NKTR: variants seen among roughly 807,000 people sequenced by gnomAD.
The protein encoded by NKTR is NK-tumor recognition protein.
In NKTR, 67 loss-of-function variants were observed where a neutral mutation model predicts 156.3. That is an observed-to-expected ratio of 0.43 (90% CI 0.35 to 0.53). The LOEUF (loss-of-function observed/expected upper bound fraction) is 0.53. Ranked by LOEUF, NKTR falls within the 20% of genes least tolerant of loss-of-function variation. The probability of loss-of-function intolerance (pLI) is 0.01; values close to 1 mark genes in which losing one functional copy is unlikely to be tolerated. For synonymous variants in NKTR, 640 were observed against 596.6 expected (o/e 1.07, Z -1.06); for missense variants, 1,604 against 1,730.9 (o/e 0.93, Z 1.30).
chr3:42,639,574 A>AC lies in NKTR; in HGVS notation c.3872dup (p.Arg1292LysfsTer8). ...GAAAGACAGCACGCTTAAACCGTAG[A>AC]CCAAGAAATCAGGAGAGTTCAAGTG... On this transcript the variant is annotated frameshift_variant, in exon 13 of 17. Transcript: ENST00000232978. LOFTEE classifies it high-confidence loss of function. 6.2e-7 allele frequency: 1 copy of AC among 1,614,238 alleles called. No individual in the cohort carries two copies. Among genetic ancestry groups the AC allele is most frequent in the Non-Finnish European group, 8.5e-7 (1 of 1,180,024 alleles).
At position 42,620,403 on chromosome 3, in the gene NKTR, G is replaced by T. The variant is rs915296460; in HGVS notation, c.286+695G>T. On this transcript the variant is annotated intron_variant, in intron 5 of 16. Coordinates refer to ENST00000232978, the MANE Select transcript of NKTR (RefSeq NM_005385.4). Reference sequence around the variant, plus strand: ...TAGCATCTGCATAAATCTAACTATTGCACTTGCCCCAAAAAGCCTTAGAAA... The same window carrying T: ...TAGCATCTGCATAAATCTAACTATTTCACTTGCCCCAAAAAGCCTTAGAAA... The T allele has an allele frequency of 3.9e-6, 4 of 1,016,360 alleles. No individual in the cohort carries two copies. In the African/African-American group the frequency reaches 6.8e-5, roughly 17 times the overall value. The allele number at this position is 1,016,360 out of a possible 1,614,324, so 63.0% of individuals were successfully genotyped here. A position where few individuals can be genotyped will look rare whatever the true frequency, so the allele number is the denominator to read the frequency against.
chr3:42,632,633 T>C lies in NKTR; in HGVS notation c.583T>C (p.Ser195Pro). The change falls in exon 9 of 17, where the codon TCA (serine) becomes CCA (proline). Residue 195 changes from serine (S) to proline (P), a missense_variant. Ser to Pro is a moderately conservative substitution (Grantham distance 74, BLOSUM62 -1). This residue lies in a region of NKTR where 1,255 missense variants were observed against 1,243.7 expected (regional missense o/e 1.01). Coordinates refer to ENST00000232978, the MANE Select transcript of NKTR (RefSeq NM_005385.4). ...FEKKRKKPTHSEGSDSSSNSS... is the reference protein window; with the variant it reads ...FEKKRKKPTHPEGSDSSSNSS... ...GAAAAAAAGGAAGAAACCAACTCAT[T>C]CAGAAGGCTCGGATTCCTCTTCCAA... 6.2e-7 allele frequency: 1 copy of C among 1,612,942 alleles called. No homozygotes were observed. Among genetic ancestry groups the C allele is most frequent in the Non-Finnish European group, 8.5e-7 (1 of 1,179,686 alleles).
chr3:42,645,847 A>T, intron 16 of NKTR, 41 bp from the exon 17 acceptor site: 1 of 1,393,024 alleles, frequency 7.2e-7, no homozygotes, highest in Non-Finnish European at 1.0e-6. Context: ...CAAAGATTTT[A>T]CAGTTACAAG....
rs114877177 is a variant in NKTR, at chr3:42,630,730, T to A, written c.404+155T>A. On this transcript the variant is annotated intron_variant, in intron 7 of 16. Transcript: ENST00000232978. The stretch of plus-strand genomic sequence containing the variant: ...CTTAGGATCACAGAATATACTTGTT[T>A]TGAGACCCCATGGCTCTCATGTGAC... 2,088 of 1,441,782 alleles carry A rather than the reference T, an allele frequency of 1.4e-3. 31 individuals are homozygous for A. In the African/African-American group the frequency reaches 0.027, roughly 19 times the overall value. The allele number at this position is 1,441,782 out of a possible 1,614,324, so 89.3% of individuals were successfully genotyped here. A position where few individuals can be genotyped will look rare whatever the true frequency, so the allele number is the denominator to read the frequency against.
Position 42,615,946 on chromosome 3 carries a change from G to A in NKTR, c.59-1624G>A, listed in dbSNP as rs61494535. On this transcript the variant is annotated intron_variant, in intron 2 of 16. Coordinates refer to ENST00000232978, the MANE Select transcript of NKTR (RefSeq NM_005385.4). ...GAGTCCTCCTTTTTGCTTGCTTTCC[G>A]TCTTTTTCTTCATTCCCTTAGGTTT... Among the ~76,000 whole-genome samples, 23 of 151,870 alleles carry A rather than the reference G, an allele frequency of 1.5e-4. No homozygotes were observed. In the East Asian group the frequency reaches 3.5e-3, roughly 23 times the overall value.
chr3:42,641,876 A>G (rs1709919429), intron 13 of NKTR, among the ~76,000 whole-genome samples: 1 of 148,420 alleles, frequency 6.7e-6, no homozygotes, highest in Non-Finnish European at 1.5e-5. Context: ...AGACTCCTCA[A>G]AAAAAAAAAA....
At chr3:42,605,912 A>T (rs1034100137) in intron 2 of NKTR, among the ~76,000 whole-genome samples, 2 of 152,252 alleles carry the variant, frequency 1.3e-5, no homozygotes, top group Non-Finnish European at 1.5e-5. Context: ...GTATTAGAGT[A>T]ACATGAACTT....
chr3:42,632,593 C>T lies in NKTR; in HGVS notation c.551-8C>T. On this transcript the variant is annotated splice_region_variant and splice_polypyrimidine_tract_variant and intron_variant, in intron 8 of 16. Coordinates refer to ENST00000232978, the MANE Select transcript of NKTR (RefSeq NM_005385.4). ...AGTACTAATGTTTTTATTAATGTTTCTTAAAAGTTTTTGAGAAAAAAAGGA... is the reference window on the plus strand; with the variant it reads ...AGTACTAATGTTTTTATTAATGTTTTTTAAAAGTTTTTGAGAAAAAAAGGA... 1.3e-6 allele frequency: 2 copies of T among 1,577,944 alleles called. No homozygotes were observed. The highest frequency in any genetic ancestry group is 2.3e-5 in the South Asian group (2 of 86,230).
At chr3:42,626,163 A>G (rs1013419078) in intron 6 of NKTR, among the ~76,000 whole-genome samples, 25 of 136,116 alleles carry the variant, frequency 1.8e-4, no homozygotes, top group Middle Eastern at 3.3e-3. Context: ...ACCTACAGTC[A>G]CTTATTTTTT....
chr3:42,611,895 AATT>A (rs1437696178), intron 2 of NKTR, among the ~76,000 whole-genome samples: 1 of 152,058 alleles, frequency 6.6e-6, no homozygotes, highest in Non-Finnish European at 1.5e-5. Flanking sequence ...CTCCAACTGA[AATT>A]ATTTTTACCC....
intron 2 of NKTR, among the ~76,000 whole-genome samples, chr3:42,603,313 T>G (rs1705773782): frequency 6.7e-6 from 1 of 148,356 alleles, no homozygotes; most frequent in African/African-American, 2.5e-5. Flanking sequence ...TGAGCTATGA[T>G]TGCACCACTG....
intron 2 of NKTR, among the ~76,000 whole-genome samples, chr3:42,609,861 T>C (rs191638775): frequency 6.6e-6 from 1 of 152,258 alleles, no homozygotes; most frequent in South Asian, 2.1e-4. Context: ...AATATAAATA[T>C]CAACAACTTC....
intron 16 of NKTR, 97 bp from the exon 17 acceptor site, chr3:42,645,791 G>A (rs916762548): frequency 1.0e-5 from 7 of 685,530 alleles, no homozygotes; most frequent in Admixed American, 3.0e-5. Context: ...AAACACTATT[G>A]ATGTTTTCAA....
intron 13 of NKTR, among the ~76,000 whole-genome samples, chr3:42,640,072 G>A (rs187710465): frequency 1.3e-5 from 2 of 152,258 alleles, no homozygotes; most frequent in East Asian, 1.9e-4. Flanking sequence ...GCCTTAGAAG[G>A]GAATCCTGAA....
At chr3:42,613,761 A>G (rs1280256207) in intron 2 of NKTR, among the ~76,000 whole-genome samples, 1 of 152,172 alleles carries the variant, frequency 6.6e-6, no homozygotes, top group African/African-American at 2.4e-5. Flanking sequence ...AAAGCTTAAC[A>G]TGTGTTGATA....
At chr3:42,623,259 T>C (rs1222793089) in intron 6 of NKTR, among the ~76,000 whole-genome samples, 1 of 152,098 alleles carries the variant, frequency 6.6e-6, no homozygotes, top group Admixed American at 6.6e-5. Context: ...ACAATTATAA[T>C]TTTTATACTT....
At position 42,630,562 on chromosome 3, in the gene NKTR, C is replaced by T. The variant is rs759930059; in HGVS notation, c.391C>T (p.Pro131Ser). The change falls in exon 7 of 17, where the codon CCA becomes TCA. Residue 131 changes from proline to serine, a missense_variant. Pro to Ser is a moderately conservative substitution (Grantham distance 74, BLOSUM62 -1). Around this residue, in one of 6 missense-constraint regions of NKTR, gnomAD observed 61 missense variants for 113.3 expected, o/e 0.54. Transcript: ENST00000232978. Reference protein sequence around the residue: ...SQFFITTKPAPHLDGVHVVFG... With the variant: ...SQFFITTKPASHLDGVHVVFG... ...ATTACATAGTACCACAAAGCCTGCTCCACACCTGGATGGGTAAGAGTTACA... is the reference window on the plus strand; with the variant it reads ...ATTACATAGTACCACAAAGCCTGCTTCACACCTGGATGGGTAAGAGTTACA... 1.9e-6 allele frequency: 3 copies of T among 1,613,838 alleles called. No homozygotes were observed. The highest frequency in any genetic ancestry group is 2.5e-6 in the Non-Finnish European group (3 of 1,179,830).
rs750295985 is a variant in NKTR at position 42,633,638 on chromosome 3, G to A, written c.832G>A (p.Glu278Lys). The change falls in exon 10 of 17, where the codon GAA (glutamate) becomes AAA (lysine). Residue 278 changes from glutamate (E) to lysine (K), a missense_variant. By Grantham distance (56) the Glu-to-Lys change is moderately conservative (BLOSUM62 1). This residue lies in a region of NKTR where 1,255 missense variants were observed against 1,243.7 expected (regional missense o/e 1.01). Coordinates refer to ENST00000232978, the MANE Select transcript of NKTR (RefSeq NM_005385.4). Reference sequence around the variant, plus strand: ...GTCAGTTGATTCCAGTGCTAAAAGGGAAAAACCTGTGGTCCGCCCAGAAGA... The same window carrying A: ...GTCAGTTGATTCCAGTGCTAAAAGGAAAAAACCTGTGGTCCGCCCAGAAGA... ...KRSVDSSAKREKPVVRPEEIP... is the reference protein window; with the variant it reads ...KRSVDSSAKRKKPVVRPEEIP... The A allele has an allele frequency of 5.0e-6, 8 of 1,614,172 alleles. No individual in the cohort carries two copies. Among genetic ancestry groups the A allele is most frequent in the East Asian group, 2.2e-5 (1 of 44,878 alleles).
chr3:42,626,014 A>G (rs1292741613), intron 6 of NKTR, among the ~76,000 whole-genome samples: 1 of 152,086 alleles, frequency 6.6e-6, no homozygotes, highest in African/African-American at 2.4e-5. Context: ...TTACCCTTAT[A>G]CAAGTGTTGT....
Sources: gnomAD v4.1 joint callset for allele counts (sites outside exome capture counted in the v4.1 genomes callset) on GRCh38, gnomAD v4.1.1 for gene constraint, gnomAD v4.1.1 regional missense constraint, MANE v1.5 for transcripts, NCBI Gene and HGNC (gene_info 2026-07-23, HGNC 2026-07-21) for gene names.